EEA1: variants seen among roughly 807,000 people sequenced by gnomAD.
The protein encoded by EEA1 is early endosome antigen 1.
A neutral mutation model predicts 209.2 loss-of-function variants in EEA1; 111 were observed. The ratio of observed to expected loss-of-function variants is 0.53; its 90% CI spans 0.45 to 0.62. EEA1 has a LOEUF of 0.62. Among genes scored for constraint, EEA1 ranks in the 20% least tolerant of loss-of-function variants. The pLI, the probability that EEA1 is intolerant of heterozygous loss-of-function variation, is 0.00. For synonymous variants in EEA1, 536 were observed against 540.6 expected (o/e 0.99, Z 0.12); for missense variants, 1,343 against 1,530.8 (o/e 0.88, Z 2.05).
In EEA1 at chr12:92,818,765, T is replaced by C. The variant is rs147018462; in HGVS notation, c.1728+543A>G. ...TCTTTTTTGTTTGAAAATGTATTTA[T>C]CTAAATTTTATAAACTTTTCCTAAA... On this transcript the variant is annotated intron_variant, in intron 14 of 28. Transcript: ENST00000322349. Among the ~76,000 whole-genome samples the C allele has an allele frequency of 2.5e-4, 38 of 152,326 alleles. No individual in the cohort carries two copies. The East Asian group carries it at 6.6e-3, about 26-fold the overall frequency.
intron 24 of EEA1, 101 bp downstream of exon 24, chr12:92,780,179 A>T: frequency 7.6e-7 from 1 of 1,313,950 alleles, no homozygotes; most frequent in South Asian, 1.4e-5. Context: ...TGCCTAGCAC[A>T]TAGCAAGTTC....
intron 10 of EEA1, among the ~76,000 whole-genome samples, chr12:92,840,960 G>T (rs982517195): frequency 1.3e-5 from 2 of 152,186 alleles, no homozygotes; most frequent in Non-Finnish European, 2.9e-5. Flanking sequence ...AGAGGCCCCA[G>T]TGAGGTCTCT....
At chr12:92,833,993 T>C (rs1344880960) in intron 10 of EEA1, among the ~76,000 whole-genome samples, 2 of 152,074 alleles carry the variant, frequency 1.3e-5, no homozygotes, top group African/African-American at 4.8e-5. Context: ...AATCATGGAA[T>C]ACATACATAT....
In EEA1 at chr12:92,851,472, C is replaced by G. The variant is rs1877628510; in HGVS notation, c.643-206G>C. 2.6e-5 allele frequency among the ~76,000 whole-genome samples: 4 copies of G among 152,124 alleles called. No homozygotes were observed. In the South Asian group the frequency reaches 8.3e-4, roughly 32 times the overall value. On this transcript the variant is annotated intron_variant, in intron 8 of 28. Coordinates refer to ENST00000322349, the MANE Select transcript of EEA1 (RefSeq NM_003566.4). ...CCTCATATTTAATAGTATTAATACT[C>G]AAGGTGCTGTATAGTAAATTCACAA...
Position 92,771,294 on chromosome 12 carries a change from A to C in EEA1, c.*4717T>G, listed in dbSNP as rs925348248. On this transcript the variant is annotated 3_prime_UTR_variant, in exon 29 of 29. Coordinates refer to ENST00000322349, the MANE Select transcript of EEA1 (RefSeq NM_003566.4). Reference sequence around the variant, plus strand: ...ACTGAAGCCTTAGCTGATTTTGTTAAGCTGAAGAATGGGGTAGAGAGGATA... The same window carrying C: ...ACTGAAGCCTTAGCTGATTTTGTTACGCTGAAGAATGGGGTAGAGAGGATA... 6.6e-6 allele frequency: 1 copy of C among 152,074 alleles called. No homozygotes were observed. The highest frequency in any genetic ancestry group is 2.4e-5 in the African/African-American group (1 of 41,444). The allele number at this position is 152,074 out of a possible 1,614,324, so 9.4% of individuals were successfully genotyped here.
At chr12:92,807,247 C>T (rs912013487) in intron 18 of EEA1, among the ~76,000 whole-genome samples, 2 of 139,752 alleles carry the variant, frequency 1.4e-5, no homozygotes, top group African/African-American at 5.3e-5. Flanking sequence ...AGCCACAAGG[C>T]CGATAATTTT....
At chr12:92,876,468 G>A (rs192931104) in intron 2 of EEA1, among the ~76,000 whole-genome samples, 5 of 152,206 alleles carry the variant, frequency 3.3e-5, no homozygotes, top group Non-Finnish European at 1.5e-5. Context: ...GGGTAAAAGG[G>A]AGCTCTTTAA....
At chr12:92,791,740 C>A (rs943304105) in intron 21 of EEA1, among the ~76,000 whole-genome samples, 27 of 152,170 alleles carry the variant, frequency 1.8e-4, no homozygotes, top group African/African-American at 6.0e-4. Flanking sequence ...CAAGGATATC[C>A]AGGATCTGAA....
At chr12:92,893,854 C>CT (rs1491166263) in intron 1 of EEA1, among the ~76,000 whole-genome samples, 8 of 150,658 alleles carry the variant, frequency 5.3e-5, no homozygotes, top group African/African-American at 1.2e-4. Flanking sequence ...GCCAGCATTC[C>CT]TTTTTTTTTC....
intron 2 of EEA1, among the ~76,000 whole-genome samples, chr12:92,886,256 A>G: frequency 6.7e-6 from 1 of 148,982 alleles, no homozygotes. Flanking sequence ...AATCTCAGCT[A>G]CTCAAGAGGC....
intron 2 of EEA1, among the ~76,000 whole-genome samples, chr12:92,875,256 C>T (rs1015343667): frequency 5.3e-5 from 8 of 151,934 alleles, no homozygotes; most frequent in African/African-American, 1.9e-4. Flanking sequence ...TCAAGACTAT[C>T]CTGGCCAATG....
rs1387420556 is a variant in EEA1 at position 92,809,038 on chromosome 12, TG to T, written c.2317del (p.Gln773AsnfsTer8). On this transcript the variant is annotated frameshift_variant, in exon 18 of 29. Transcript: ENST00000322349. LOFTEE classifies it high-confidence loss of function. ...TTACATTTCCTTCTCCATTTCAAGT[TG>T]TTTACTCAATTCTGTGGCTCTGAGC... ...LELRATELSK[Q>X]LEMEKEIVSS... The T allele has an allele frequency of 1.3e-6, 2 of 1,597,308 alleles. No homozygotes were observed. The highest frequency in any genetic ancestry group is 1.7e-5 in the Admixed American group (1 of 57,966).
At chr12:92,827,556 T>C (rs561026117) in intron 12 of EEA1, among the ~76,000 whole-genome samples, 1 of 152,234 alleles carries the variant, frequency 6.6e-6, no homozygotes, top group Non-Finnish European at 1.5e-5. Flanking sequence ...AAAGTTTATA[T>C]ATACCAACTA....
Position 92,776,133 on chromosome 12 carries a change from G to A in EEA1, c.4114C>T (p.His1372Tyr). The A allele has an allele frequency of 6.2e-7, 1 of 1,600,488 alleles. No individual in the cohort carries two copies. The highest frequency in any genetic ancestry group is 1.3e-5 in the African/African-American group (1 of 74,432). The change falls in exon 29 of 29, where the codon CAT becomes TAT. Residue 1372 changes from histidine (H) to tyrosine (Y), a missense_variant and splice_region_variant. His to Tyr is a moderately conservative substitution (Grantham distance 83). This residue lies in a region of EEA1 where 8 missense variants were observed against 27.7 expected (regional missense o/e 0.29). Coordinates refer to ENST00000322349, the MANE Select transcript of EEA1 (RefSeq NM_003566.4). ...GKGFSVTVRR[H>Y]HCRQCGNIFC... ...ATATTTCCACACTGTCGGCAGTGAT[G>A]CTGTAAATGACAAAAATTAAACAAT...
intron 13 of EEA1, among the ~76,000 whole-genome samples, chr12:92,825,267 C>T (rs1017263250): frequency 6.6e-6 from 1 of 151,926 alleles, no homozygotes; most frequent in African/African-American, 2.4e-5. Flanking sequence ...CTGGCTAACA[C>T]GGTGAAACCC....
chr12:92,888,793 C>T (rs997378277), intron 2 of EEA1, among the ~76,000 whole-genome samples: 2 of 152,032 alleles, frequency 1.3e-5, no homozygotes, highest in African/African-American at 2.4e-5. Flanking sequence ...CATATCAAAG[C>T]ATTCAAAAAT....
intron 3 of EEA1, 111 bp from the exon 4 acceptor site, chr12:92,857,596 CA>C (rs998029776): frequency 2.5e-4 from 149 of 590,608 alleles, no homozygotes; most frequent in Middle Eastern, 5.4e-4. Flanking sequence ...TTTTTCAATT[CA>C]AAAAAAAACT....
Sources: gnomAD v4.1 joint callset for allele counts (sites outside exome capture counted in the v4.1 genomes callset) on GRCh38, gnomAD v4.1.1 for gene constraint, gnomAD v4.1.1 regional missense constraint, MANE v1.5 for transcripts, NCBI Gene and HGNC (gene_info 2026-07-23, HGNC 2026-07-21) for gene names.